Variants in UBE4B observed in about 807,000 individuals in gnomAD.
UBE4B encodes the protein ubiquitination factor E4B, also known as ubiquitin conjugation factor E4 B.
UBE4B carries 27 observed loss-of-function variants against 148.1 expected under a neutral mutation model. The ratio of observed to expected loss-of-function variants is 0.18; its 90% confidence interval spans 0.13 to 0.25. UBE4B has a LOEUF of 0.25. UBE4B is among the 10% of genes least tolerant of loss of function. The pLI is 1.00. For missense variants in UBE4B, 1,170 were observed against 1,662.4 expected, an observed-to-expected ratio of 0.70 and a Z score of 5.15; for synonymous variants, 596 against 619.3, an observed-to-expected ratio of 0.96 and a Z score of 0.56.
At chr1:10,148,167 C>T (rs1033358280) in intron 19 of UBE4B, among the ~76,000 whole-genome samples, 11 of 150,076 alleles carry the variant, frequency 7.3e-5, no homozygotes, top group East Asian at 5.9e-4. Flanking sequence ...GCGGAGCTTC[C>T]GGTGAGCGGA....
At chr1:10,040,727 C>T (rs1044812118) in intron 1 of UBE4B, among the ~76,000 whole-genome samples, 2 of 151,962 alleles carry the variant, frequency 1.3e-5, no homozygotes, top group Non-Finnish European at 2.9e-5. Flanking sequence ...AAGCGATTCT[C>T]CTGCCTCAGC....
intron 1 of UBE4B, among the ~76,000 whole-genome samples, chr1:10,060,046 G>C (rs907378800): frequency 1.3e-5 from 2 of 152,104 alleles, no homozygotes; most frequent in Admixed American, 6.6e-5. Context: ...ATTCCTGGGA[G>C]CCAGTCCTGT....
chr1:10,040,234 C>T (rs973893730), intron 1 of UBE4B, among the ~76,000 whole-genome samples: 4 of 151,712 alleles, frequency 2.6e-5, no homozygotes, highest in African/African-American at 7.3e-5. Flanking sequence ...AAGTGATTCT[C>T]CTGCCTCAGC....
At chr1:10,112,514 C>T (rs957326737) in intron 7 of UBE4B, among the ~76,000 whole-genome samples, 1 of 152,210 alleles carries the variant, frequency 6.6e-6, no homozygotes, top group Non-Finnish European at 1.5e-5. Flanking sequence ...ATTCACCTGC[C>T]TCAGCCTCCC....
At chr1:10,175,052 C>G (rs993451765) in intron 25 of UBE4B, among the ~76,000 whole-genome samples, 1 of 152,156 alleles carries the variant, frequency 6.6e-6, no homozygotes, top group Non-Finnish European at 1.5e-5. Flanking sequence ...GCTTCTCTCC[C>G]TCTATACCAA....
At chr1:10,136,775 C>T (rs767281851) in intron 16 of UBE4B, among the ~76,000 whole-genome samples, 10 of 151,958 alleles carry the variant, frequency 6.6e-5, no homozygotes, top group Non-Finnish European at 1.2e-4. Flanking sequence ...CAAAAGTAGC[C>T]AGGTGTGGTA....
chr1:10,103,637 T>G (rs1031966921), intron 5 of UBE4B, among the ~76,000 whole-genome samples: 6 of 146,466 alleles, frequency 4.1e-5, no homozygotes, highest in Non-Finnish European at 7.6e-5. Context: ...TTTTTGTTTT[T>G]TTTTTTTTTT....
At chr1:10,098,090 A>G (rs1397411849) in intron 3 of UBE4B, among the ~76,000 whole-genome samples, 1 of 152,028 alleles carries the variant, frequency 6.6e-6, no homozygotes, top group African/African-American at 2.4e-5. Flanking sequence ...AGGCTGGCCT[A>G]AAACTCCTGA....
chr1:10,151,598 C>A, intron 21 of UBE4B, 37 bp downstream of exon 21: 1 of 1,565,664 alleles, frequency 6.4e-7, no homozygotes, highest in Non-Finnish European at 8.8e-7. Flanking sequence ...CATGGCAGGC[C>A]AACTTAGGTA....
chr1:10,158,566 T>C, intron 22 of UBE4B, 84 bp downstream of exon 22: 3 of 1,528,720 alleles, frequency 2.0e-6, no homozygotes, highest in Non-Finnish European at 2.6e-6. Flanking sequence ...CACAGCTGGG[T>C]TCTTGTTGAC....
At chr1:10,167,296 G>A (rs1006216315) in intron 23 of UBE4B, among the ~76,000 whole-genome samples, 1 of 151,330 alleles carries the variant, frequency 6.6e-6, no homozygotes, top group Non-Finnish European at 1.5e-5. Flanking sequence ...AGAATTAGCC[G>A]GGCATGGTGA....
chr1:10,105,766 C>T (rs1220801776), intron 6 of UBE4B, 22 bp downstream of exon 6: 4 of 1,605,282 alleles, frequency 2.5e-6, no homozygotes, highest in Non-Finnish European at 2.6e-6. Context: ...TCTCTTTGCA[C>T]ATCTTACTGG....
chr1:10,161,309 T>C lies in UBE4B; in HGVS notation c.3198+23T>C. ...CGGGTGAGGACGTGGTCCAGAGGCT[T>C]GGACAGCTTTGCAGGCCATCTGCCT... On this transcript the variant is annotated intron_variant, in intron 23 of 27. Coordinates refer to ENST00000343090, the MANE Select transcript of UBE4B (RefSeq NM_001105562.3). This position sits in a 1 kb window ranked among gnomAD's most constrained non-coding sequence, Gnocchi z 4.1. 1 of 1,609,972 alleles carries C rather than the reference T, an allele frequency of 6.2e-7. No individual in the cohort carries two copies. The highest frequency in any genetic ancestry group is 8.5e-7 in the Non-Finnish European group (1 of 1,177,258).
At chr1:10,043,924 AG>A (rs1436370015) in intron 1 of UBE4B, among the ~76,000 whole-genome samples, 1 of 152,234 alleles carries the variant, frequency 6.6e-6, no homozygotes, top group Non-Finnish European at 1.5e-5. Context: ...CAGCAATGAA[AG>A]CAAGTGTTAC....
At chr1:10,157,299 G>A (rs1282842737) in intron 21 of UBE4B, among the ~76,000 whole-genome samples, 1 of 152,060 alleles carries the variant, frequency 6.6e-6, no homozygotes, top group Non-Finnish European at 1.5e-5. Context: ...GGGATTATAG[G>A]CGAGAGCCAC....
chr1:10,180,082 C>A lies in UBE4B; in HGVS notation c.*126C>A. 1.6e-6 allele frequency: 2 copies of A among 1,215,566 alleles called. No homozygotes were observed. Among genetic ancestry groups the A allele is most frequent in the Non-Finnish European group, 1.2e-6 (1 of 851,080 alleles). The allele number at this position is 1,215,566 out of a possible 1,614,324, so 75.3% of individuals were successfully genotyped here. Reference sequence around the variant, plus strand: ...ATGTGGCAAACCAACCCCAGGCCCACCCAGAGCGAGCAAACGCTGAGACCT... The same window carrying A: ...ATGTGGCAAACCAACCCCAGGCCCAACCAGAGCGAGCAAACGCTGAGACCT... On this transcript the variant is annotated 3_prime_UTR_variant, in exon 28 of 28. Coordinates refer to ENST00000343090, the MANE Select transcript of UBE4B (RefSeq NM_001105562.3).
intron 2 of UBE4B, chr1:10,072,652 G>A: frequency 1.7e-6 from 1 of 577,698 alleles, no homozygotes; most frequent in Non-Finnish European, 3.1e-6. Context: ...ACTTTTCAGA[G>A]GATAAAACTA....
chr1:10,037,498 TATTA>T (rs1240621813), intron 1 of UBE4B, among the ~76,000 whole-genome samples: 1 of 152,214 alleles, frequency 6.6e-6, no homozygotes, highest in Non-Finnish European at 1.5e-5. Context: ...ATTTACATTA[TATTA>T]ATTCTATAAT....
chr1:10,153,531 TG>T (rs1202684531), intron 21 of UBE4B, among the ~76,000 whole-genome samples: 1 of 140,794 alleles, frequency 7.1e-6, no homozygotes, highest in African/African-American at 2.7e-5. Context: ...GTAAAAAGAC[TG>T]GGTTTCGGCC....
Sources: gnomAD v4.1 joint callset for allele counts (sites outside exome capture counted in the v4.1 genomes callset) on GRCh38, gnomAD v4.1.1 for gene constraint, Gnocchi (gnomAD v3.1) non-coding constraint, MANE v1.5 for transcripts, NCBI Gene and HGNC (gene_info 2026-07-23, HGNC 2026-07-21) for gene names.